LAMA3: variants seen among roughly 807,000 people sequenced by gnomAD.
LAMA3 encodes the protein laminin subunit alpha-3.
In LAMA3, 281 loss-of-function variants were observed where a neutral mutation model predicts 402.0. The ratio of observed to expected loss-of-function variants is 0.70; its 90% CI spans 0.63 to 0.77. The LOEUF (loss-of-function observed/expected upper bound fraction) is 0.77, where lower values mean the gene tolerates loss of function less well. LAMA3 is among the 30% of genes least tolerant of loss of function. The pLI is 0.00. For missense variants in LAMA3, 3,840 were observed against 4,215.5 expected (o/e 0.91, Z 2.47); for synonymous variants, 1,431 against 1,558.4 (o/e 0.92, Z 1.93).
intron 14 of LAMA3, among the ~76,000 whole-genome samples, chr18:23,813,524 AT>A (rs1173126811): frequency 4.0e-5 from 5 of 125,698 alleles, no homozygotes; most frequent in South Asian, 5.1e-4. Context: ...TATTCTGAAC[AT>A]TTTTTTTCTT....
intron 1 of LAMA3, among the ~76,000 whole-genome samples, chr18:23,702,830 T>A (rs141585397): frequency 3.3e-4 from 51 of 152,332 alleles, no homozygotes; most frequent in African/African-American, 1.2e-3. Flanking sequence ...GCATCCCCTC[T>A]TGGGCTAATT....
In LAMA3 at chr18:23,827,381, T is replaced by G; in HGVS notation, c.2737T>G (p.Phe913Val). ...TACCCTGGCTTGTGAGGCCAGACAC[T>G]TCCTGCTTGATGGGGAGCCAAGACC... is the stretch of plus-strand genomic sequence containing the variant. ...PCTLACEARH[F>V]LLDGEPRPVA... The change falls in exon 23 of 75, where the codon TTC becomes GTC. Residue 913 changes from phenylalanine to valine, a missense_variant. By Grantham distance (50) the Phe-to-Val change is conservative. Around this residue, in one of 3 missense-constraint regions of LAMA3, gnomAD observed 2,109 missense variants for 2,376.0 expected, o/e 0.89. Coordinates refer to ENST00000313654, the MANE Select transcript of LAMA3 (RefSeq NM_198129.4). 3 of 1,614,206 alleles carry G rather than the reference T, an allele frequency of 1.9e-6. No individual in the cohort carries two copies. Among genetic ancestry groups the G allele is most frequent in the Non-Finnish European group, 2.5e-6 (3 of 1,180,032 alleles).
At chr18:23,950,266 T>A (rs552260799) in intron 72 of LAMA3, 107 bp downstream of exon 72, 4 of 1,273,116 alleles carry the variant, frequency 3.1e-6, no homozygotes, top group Non-Finnish European at 3.4e-6. Context: ...CAATCTTGTA[T>A]TTAAGAGCCT....
At chr18:23,954,402 A>T (rs2083037885) in intron 74 of LAMA3, 101 bp from the exon 75 acceptor site, 8 of 98,766 alleles carry the variant, frequency 8.1e-5, no homozygotes, top group East Asian at 4.4e-4. Flanking sequence ...GACCCTGTCT[A>T]AAAAAAAAAA....
At chr18:23,830,109 A>G (rs1027212167) in intron 23 of LAMA3, among the ~76,000 whole-genome samples, 11 of 152,122 alleles carry the variant, frequency 7.2e-5, no homozygotes, top group Admixed American at 2.0e-4. Context: ...TCCTGGTGCC[A>G]TTTTGGGTTT....
At chr18:23,730,553 G>T (rs896636750) in intron 2 of LAMA3, among the ~76,000 whole-genome samples, 1 of 151,900 alleles carries the variant, frequency 6.6e-6, no homozygotes, top group Admixed American at 6.5e-5. Context: ...TTTTTGTAGA[G>T]ATGGAGTTTC....
At chr18:23,798,149 C>G (rs1009899392) in intron 12 of LAMA3, among the ~76,000 whole-genome samples, 16 of 152,110 alleles carry the variant, frequency 1.1e-4, no homozygotes, top group African/African-American at 3.9e-4. Context: ...CTCTTTTCCT[C>G]CTTTCTATTC....
Position 23,842,590 on chromosome 18 carries a change from G to GTC in LAMA3, c.3464-7_3464-6dup, listed in dbSNP as rs45577833. 4.0e-4 allele frequency: 632 copies of GTC among 1,599,504 alleles called. 3 individuals carry two copies. In the East Asian group the frequency reaches 7.2e-3, roughly 18 times the overall value. On this transcript the variant is annotated intron_variant, in intron 28 of 74. Transcript: ENST00000313654. ...TCTACAGTCCGGTGCATGACAGAAA[G>GTC]TCTCTCTCTCTCTCTGCCAGGCTCC...
In LAMA3 at chr18:23,717,719, A is replaced by ATTTTTTTTTTTTTTTTT. The variant is rs1568109215; in HGVS notation, c.447+3647_447+3648insTTTTTTTTTTTTTTTTT. The stretch of plus-strand genomic sequence containing the variant: ...AGGTGCCCACCACCATGCCTGGCTA[A>ATTTTTTTTTTTTTTTTT]ATTTTTTTTTTTTTTTTTTTTTTTT... On this transcript the variant is annotated intron_variant, in intron 2 of 74. Transcript: ENST00000313654. 1.7e-5 allele frequency among the ~76,000 whole-genome samples: 2 copies of ATTTTTTTTTTTTTTTTT among 116,806 alleles called. 1 individual carries two copies. Among genetic ancestry groups the ATTTTTTTTTTTTTTTTT allele is most frequent in the African/African-American group, 7.8e-5 (2 of 25,646 alleles). 76.6% of individuals were successfully genotyped at this position (116,806 alleles called of 152,430 possible). A position where few individuals can be genotyped will look rare whatever the true frequency, so the allele number is the denominator to read the frequency against.
chr18:23,832,668 T>A (rs1455421755), intron 23 of LAMA3, among the ~76,000 whole-genome samples: 1 of 152,214 alleles, frequency 6.6e-6, no homozygotes, highest in East Asian at 1.9e-4. Flanking sequence ...GCATGATGAT[T>A]GTATACCATT....
intron 64 of LAMA3, among the ~76,000 whole-genome samples, chr18:23,930,777 TTTGTATAGTCGATTGAGAAATTAAA>T (rs2082139050): frequency 6.6e-6 from 1 of 152,128 alleles, no homozygotes; most frequent in South Asian, 2.1e-4. Context: ...ATTTAACTGT[TTTGTATAGTCGATTGAGAAATTAAA>T]TTGGCTTAAT....
intron 68 of LAMA3, among the ~76,000 whole-genome samples, chr18:23,940,742 T>A (rs2082473588): frequency 6.6e-6 from 1 of 152,078 alleles, no homozygotes; most frequent in African/African-American, 2.4e-5. Context: ...CAGCTCCACG[T>A]CTCCAGCTGC....
chr18:23,691,976 TAC>T (rs1456175501), intron 1 of LAMA3, among the ~76,000 whole-genome samples: 2 of 152,256 alleles, frequency 1.3e-5, no homozygotes, highest in African/African-American at 2.4e-5. Flanking sequence ...TCACATAATT[TAC>T]AGAGTTCAGT....
chr18:23,745,614 G>C (rs1291507907), intron 2 of LAMA3, among the ~76,000 whole-genome samples: 1 of 152,306 alleles, frequency 6.6e-6, no homozygotes, highest in Middle Eastern at 3.4e-3. Context: ...CAAGGTGTGG[G>C]TTTGTTACTT....
At chr18:23,760,455 C>T (rs2061945617) in intron 7 of LAMA3, among the ~76,000 whole-genome samples, 1 of 151,872 alleles carries the variant, frequency 6.6e-6, no homozygotes, top group Non-Finnish European at 1.5e-5. Flanking sequence ...TTCACATAGT[C>T]ACCTGGGAAA....
chr18:23,778,640 C>T (rs149350353), intron 11 of LAMA3, among the ~76,000 whole-genome samples: 101 of 152,280 alleles, frequency 6.6e-4, no homozygotes, highest in Middle Eastern at 6.8e-3. Context: ...GCACAGCACA[C>T]GCACACAGCC....
At chr18:23,816,260 A>G in intron 17 of LAMA3, 128 bp from the exon 18 acceptor site, 1 of 738,444 alleles carries the variant, frequency 1.4e-6, no homozygotes, top group Non-Finnish European at 2.4e-6. Context: ...TGCCAGACAG[A>G]TGTGGCAGAG....
chr18:23,745,746 T>C (rs1334030185), intron 2 of LAMA3, among the ~76,000 whole-genome samples: 1 of 152,270 alleles, frequency 6.6e-6, no homozygotes, highest in Non-Finnish European at 1.5e-5. Flanking sequence ...GGAAAGACAG[T>C]ATTCATTATT....
Position 23,950,032 on chromosome 18 carries a change from A to G in LAMA3, c.9515A>G (p.His3172Arg), listed in dbSNP as rs765118160. The G allele has an allele frequency of 1.2e-6, 2 of 1,613,834 alleles. No individual in the cohort carries two copies. The highest frequency in any genetic ancestry group is 1.7e-6 in the Non-Finnish European group (2 of 1,180,002). Residue 3172 changes from histidine (H) to arginine (R), a missense_variant, in exon 72 of 75, where the codon CAC becomes CGC. Coordinates refer to ENST00000313654, the MANE Select transcript of LAMA3 (RefSeq NM_198129.4). ...SEEGGHVVLA[H>R]SVLLGPEFKL... ...TGCTTTGTTTCTCTTTTGAAAGCTC[A>G]CTCTGTATTGTTGGGGCCAGAATTT...
Sources: allele counts gnomAD v4.1 joint callset (sites outside exome capture counted in the v4.1 genomes callset), GRCh38; gene constraint gnomAD v4.1.1; regional missense constraint gnomAD v4.1.1; transcripts MANE v1.5; gene names NCBI Gene and HGNC (gene_info 2026-07-23, HGNC 2026-07-21).